SEC14L1: variants seen among roughly 807,000 people sequenced by gnomAD.
SEC14L1 encodes the protein SEC14 like lipid binding 1.
A neutral mutation model predicts 85.3 loss-of-function variants in SEC14L1; 48 were observed. That is an observed-to-expected ratio of 0.56 (90% CI 0.45 to 0.72). The LOEUF is 0.72. Among genes scored for constraint, SEC14L1 ranks in the 30% least tolerant of loss-of-function variants. SEC14L1 has a pLI of 0.00. For synonymous variants in SEC14L1, 391 were observed against 355.5 expected (o/e 1.10, Z -1.12); for missense variants, 682 against 921.4 (o/e 0.74, Z 3.36).
At chr17:77,187,442 A>C (rs1173944028) in intron 3 of SEC14L1, among the ~76,000 whole-genome samples, 1 of 151,210 alleles carries the variant, frequency 6.6e-6, no homozygotes, top group East Asian at 1.9e-4. Flanking sequence ...TGGTGGCACC[A>C]TTTTGGCACA....
At chr17:77,184,670 T>C (rs774037603) in intron 3 of SEC14L1, among the ~76,000 whole-genome samples, 15 of 152,196 alleles carry the variant, frequency 9.9e-5, no homozygotes, top group Admixed American at 3.9e-4. Context: ...TCCAGACTTG[T>C]AATCAACCGC....
chr17:77,208,403 T>C (rs1976574685), intron 13 of SEC14L1, among the ~76,000 whole-genome samples: 1 of 152,202 alleles, frequency 6.6e-6, no homozygotes, highest in Non-Finnish European at 1.5e-5. Flanking sequence ...ACACGAAGAA[T>C]TGAGCTGGAG....
At chr17:77,111,272 C>A (rs1184787167) in intron 3 of SEC14L1, among the ~76,000 whole-genome samples, 1 of 151,010 alleles carries the variant, frequency 6.6e-6, no homozygotes. Context: ...CCGGGCTATA[C>A]GTGAATTTAA....
rs531237160 is a variant in SEC14L1 at position 77,216,292 on chromosome 17, C to G, written c.*2269C>G. 1 of 1,075,810 alleles carries G rather than the reference C, an allele frequency of 9.3e-7. No individual in the cohort carries two copies. The highest frequency in any genetic ancestry group is 2.5e-5 in the South Asian group (1 of 40,290). 66.6% of individuals were successfully genotyped at this position (1,075,810 alleles called of 1,614,324 possible). A position where few individuals can be genotyped will look rare whatever the true frequency, so the allele number is the denominator to read the frequency against. On this transcript the variant is annotated 3_prime_UTR_variant, in exon 17 of 17. Coordinates refer to ENST00000436233, the MANE Select transcript of SEC14L1 (RefSeq NM_001143998.2). ...GTAGGTAGGGTTAGTAGGTAGGGTT[C>G]GTAGGTAGGGCTAGTAGGTAGGGCT...
chr17:77,205,685 T>C (rs1274632288), intron 11 of SEC14L1, among the ~76,000 whole-genome samples: 1 of 152,192 alleles, frequency 6.6e-6, no homozygotes, highest in Non-Finnish European at 1.5e-5. Context: ...AGTAAAGAGT[T>C]CTGAAAATGT....
chr17:77,203,796 C>T lies in SEC14L1; in HGVS notation c.1098+138C>T, dbSNP rs79870352. On this transcript the variant is annotated intron_variant, in intron 10 of 16. Coordinates refer to ENST00000436233, the MANE Select transcript of SEC14L1 (RefSeq NM_001143998.2). The stretch of plus-strand genomic sequence containing the variant: ...GTTAGGACTGAAAATATATTAATAT[C>T]GTCTTAAAATTTCAAAAGGAGACAC... The T allele has an allele frequency of 2.3e-3, 1,485 of 646,372 alleles. 36 individuals are homozygous for T. The East Asian group carries it at 0.034, about 15-fold the overall frequency. 40.0% of individuals were successfully genotyped at this position (646,372 alleles called of 1,614,324 possible).
intron 3 of SEC14L1, among the ~76,000 whole-genome samples, chr17:77,134,600 C>T (rs531528073): frequency 1.6e-4 from 25 of 152,170 alleles, no homozygotes; most frequent in Non-Finnish European, 2.9e-4. Flanking sequence ...GGTGTGGTGG[C>T]GCATGCCTGT....
intron 13 of SEC14L1, among the ~76,000 whole-genome samples, 181 bp from the exon 14 acceptor site, chr17:77,209,161 A>G (rs1976612571): frequency 6.6e-6 from 1 of 152,194 alleles, no homozygotes. Flanking sequence ...CATGTATTTA[A>G]GTGGTTTTTA....
intron 8 of SEC14L1, among the ~76,000 whole-genome samples, chr17:77,199,800 A>G (rs1976031404): frequency 6.6e-6 from 1 of 152,202 alleles, no homozygotes; most frequent in African/African-American, 2.4e-5. Flanking sequence ...GATTTTCTCT[A>G]GAGTAGTAAG....
chr17:77,107,857 G>A (rs1971950933), intron 3 of SEC14L1, among the ~76,000 whole-genome samples: 1 of 152,196 alleles, frequency 6.6e-6, no homozygotes, highest in Admixed American at 6.5e-5. Flanking sequence ...AAGGAGCCAT[G>A]CTGGCTGGTT....
At chr17:77,179,330 A>G (rs1301626623) in intron 3 of SEC14L1, among the ~76,000 whole-genome samples, 1 of 152,194 alleles carries the variant, frequency 6.6e-6, no homozygotes, top group African/African-American at 2.4e-5. Context: ...AAATACTTGG[A>G]AGTGCAAATG....
chr17:77,210,227 G>T (rs1405979582), intron 14 of SEC14L1: 2 of 152,336 alleles, frequency 1.3e-5, no homozygotes, highest in Non-Finnish European at 2.9e-5. Context: ...AATGGAGCAA[G>T]GAGGGTGTTC....
intron 3 of SEC14L1, chr17:77,093,488 G>A (rs936731088): frequency 2.6e-5 from 4 of 152,266 alleles, no homozygotes; most frequent in South Asian, 2.1e-4. Flanking sequence ...GTGTCTGAGT[G>A]TGTAGCCTCT....
chr17:77,213,678 A>T lies in SEC14L1; in HGVS notation c.2042+186A>T, dbSNP rs749605071. 1 of 858,158 alleles carries T rather than the reference A, an allele frequency of 1.2e-6. No individual in the cohort carries two copies. The highest frequency in any genetic ancestry group is 1.9e-6 in the Non-Finnish European group (1 of 527,798). 53.2% of individuals were successfully genotyped at this position (858,158 alleles called of 1,614,324 possible). A position where few individuals can be genotyped will look rare whatever the true frequency, so the allele number is the denominator to read the frequency against. On this transcript the variant is annotated intron_variant, in intron 16 of 16. Coordinates refer to ENST00000436233, the MANE Select transcript of SEC14L1 (RefSeq NM_001143998.2). This position sits in a 1 kb window ranked among gnomAD's most constrained non-coding sequence, Gnocchi z 7.1. The stretch of plus-strand genomic sequence containing the variant: ...ACTCCCTGCCTGTCTGCAGAGGGAG[A>T]GTGTCGGAGACAGAGCCGACTGACT...
chr17:77,096,040 C>T (rs916109603), intron 3 of SEC14L1, among the ~76,000 whole-genome samples: 11 of 150,180 alleles, frequency 7.3e-5, no homozygotes, highest in Admixed American at 2.0e-4. Context: ...TCAGTTCCAG[C>T]TCCTTGCAGT....
At chr17:77,132,845 A>T (rs1278760288) in intron 3 of SEC14L1, among the ~76,000 whole-genome samples, 2 of 141,618 alleles carry the variant, frequency 1.4e-5, no homozygotes, top group South Asian at 2.3e-4. Flanking sequence ...CTATACCCCA[A>T]TCCTCCTTTT....
intron 3 of SEC14L1, among the ~76,000 whole-genome samples, chr17:77,126,152 A>G (rs566245019): frequency 6.6e-6 from 1 of 152,344 alleles, no homozygotes; most frequent in African/African-American, 2.4e-5. Flanking sequence ...CTCCGTCTCA[A>G]AAAAAAGAAG....
rs377324248 is a variant in SEC14L1, at chr17:77,123,305, T to C, written c.-135-19341T>C. On this transcript the variant is annotated intron_variant, in intron 3 of 19. Transcript: ENST00000392476. ...ACCTCATGATCCACCTGCCTCGGCC[T>C]CCCAAAGTGCTGGGATTACAGGCAT... Among the ~76,000 whole-genome samples the C allele has an allele frequency of 2.0e-3, 307 of 151,584 alleles. 4 individuals carry two copies. The East Asian group carries it at 0.025, about 12-fold the overall frequency.
At chr17:77,151,680 T>C (rs1973563326) in intron 3 of SEC14L1, among the ~76,000 whole-genome samples, 1 of 152,158 alleles carries the variant, frequency 6.6e-6, no homozygotes. Context: ...ATAAATGCCA[T>C]TTACCCATCA....
Sources: gnomAD v4.1 joint callset for allele counts (sites outside exome capture counted in the v4.1 genomes callset) on GRCh38, gnomAD v4.1.1 for gene constraint, Gnocchi (gnomAD v3.1) non-coding constraint, MANE v1.5 for transcripts, NCBI Gene and HGNC (gene_info 2026-07-23, HGNC 2026-07-21) for gene names.